Variants in CLPSL1 observed in about 807,000 individuals in gnomAD.
CLPSL1 encodes colipase like 1.
CLPSL1 carries 13 observed loss-of-function variants against 9.3 expected under a neutral mutation model. The observed-to-expected ratio is 1.40, with a 90% CI of 0.91 to 2.22. The LOEUF (loss-of-function observed/expected upper bound fraction) is 2.22, where lower values mean the gene tolerates loss of function less well. CLPSL1 is among the 30% of genes most tolerant of loss of function. CLPSL1 has a pLI of 0.00. For synonymous variants in CLPSL1, 58 were observed against 56.9 expected (o/e 1.02, Z -0.08); for missense variants, 164 against 146.6 (o/e 1.12, Z -0.61).
chr6:35,793,296 G>A (rs954134379), intron 1 of CLPSL1, among the ~76,000 whole-genome samples: 2 of 152,230 alleles, frequency 1.3e-5, no homozygotes, highest in Admixed American at 6.5e-5. Context: ...GTGGTGGCAG[G>A]CGCCTGTAGT....
downstream of CLPSL1, among the ~76,000 whole-genome samples, chr6:35,789,116 C>T (rs894836894): frequency 6.6e-5 from 10 of 152,358 alleles, no homozygotes; most frequent in African/African-American, 2.2e-4. Flanking sequence ...ACCAGACTTC[C>T]ATTGTGTTAT....
chr6:35,787,450 G>C (rs946017798), intron 2 of CLPSL1, among the ~76,000 whole-genome samples: 2 of 152,394 alleles, frequency 1.3e-5, no homozygotes, highest in East Asian at 3.9e-4. Flanking sequence ...CTCTGCCCCA[G>C]AGCCCCGTCT....
chr6:35,791,286 T>C (rs28402195), downstream of CLPSL1, among the ~76,000 whole-genome samples: 25,259 of 147,896 alleles, frequency 0.17, 190 homozygotes, highest in East Asian at 0.2. Context: ...GATAAACACA[T>C]TGTTTAAGTT....
intron 1 of CLPSL1, among the ~76,000 whole-genome samples, chr6:35,782,204 C>T (rs1198336596): frequency 6.6e-6 from 1 of 151,938 alleles, no homozygotes; most frequent in Non-Finnish European, 1.5e-5. Flanking sequence ...ACAGCCAGGG[C>T]AAAGGTCTGG....
chr6:35,793,793 G>A (rs1768271339), downstream of CLPSL1: 2 of 352,076 alleles, frequency 5.7e-6, no homozygotes, highest in Non-Finnish European at 1.1e-5. Flanking sequence ...CGACATCGAA[G>A]TTTCATTCAG....
rs749474400 is a variant in CLPSL1 at position 35,788,125 on chromosome 6, GA to G, written c.*116del. On this transcript the variant is annotated 3_prime_UTR_variant, in exon 3 of 3. Transcript: ENST00000373861. ...CCATGAGTGGAGGGAAGTGGGGAGT[GA>G]TTGAAATAAAGAGCTTTTTCAATGT... 1 of 697,834 alleles carries G rather than the reference GA, an allele frequency of 1.4e-6. No homozygotes were observed. The highest frequency in any genetic ancestry group is 5.7e-5 in the East Asian group (1 of 17,450). The allele number at this position is 697,834 out of a possible 1,614,324, so 43.2% of individuals were successfully genotyped here. A position where few individuals can be genotyped will look rare whatever the true frequency, so the allele number is the denominator to read the frequency against.
At chr6:35,785,152 C>T (rs1768043131) in intron 1 of CLPSL1, among the ~76,000 whole-genome samples, 1 of 150,692 alleles carries the variant, frequency 6.6e-6, no homozygotes. Flanking sequence ...GTTCCCTTTT[C>T]CTGTGGAGTG....
rs550508513 is a variant in CLPSL1 at position 35,781,074 on chromosome 6, C to T, written c.-37C>T. 15 of 1,610,566 alleles carry T rather than the reference C, an allele frequency of 9.3e-6. No individual in the cohort carries two copies. Among genetic ancestry groups the T allele is most frequent in the East Asian group, 4.5e-5 (2 of 44,856 alleles). Reference sequence around the variant, plus strand: ...CACATGGTCGGCGTGCAGGATATTTCGCTGGACCCTAGAAAAGCCACCACG... The same window carrying T: ...CACATGGTCGGCGTGCAGGATATTTTGCTGGACCCTAGAAAAGCCACCACG... On this transcript the variant is annotated 5_prime_UTR_variant, in exon 1 of 3. Coordinates refer to ENST00000373861, the MANE Select transcript of CLPSL1 (RefSeq NM_001010886.5).
intron 1 of CLPSL1, among the ~76,000 whole-genome samples, chr6:35,783,699 T>C (rs1400298233): frequency 6.6e-6 from 1 of 150,688 alleles, no homozygotes; most frequent in Non-Finnish European, 1.5e-5. Flanking sequence ...TCCCAGCTAC[T>C]CAGGAGGCTG....
downstream of CLPSL1, among the ~76,000 whole-genome samples, chr6:35,792,358 T>A (rs2151063868): frequency 6.6e-6 from 1 of 152,372 alleles, no homozygotes; most frequent in African/African-American, 2.4e-5. Flanking sequence ...TCAATCAGAA[T>A]GCTTACATTA....
chr6:35,790,282 A>G (rs1768161253), downstream of CLPSL1, among the ~76,000 whole-genome samples: 11 of 152,396 alleles, frequency 7.2e-5, no homozygotes, highest in South Asian at 1.0e-3. Flanking sequence ...GGAATATAAA[A>G]TGCTTTAAAA....
Position 35,788,113 on chromosome 6 carries a change from G to A in CLPSL1, c.*103G>A, listed in dbSNP as rs1381229268. 1 of 798,774 alleles carries A rather than the reference G, an allele frequency of 1.3e-6. No individual in the cohort carries two copies. The highest frequency in any genetic ancestry group is 4.8e-5 in the East Asian group (1 of 20,984). The allele number at this position is 798,774 out of a possible 1,614,324, so 49.5% of individuals were successfully genotyped here. On this transcript the variant is annotated 3_prime_UTR_variant, in exon 3 of 3. Coordinates refer to ENST00000373861, the MANE Select transcript of CLPSL1 (RefSeq NM_001010886.5). ...CCAGAGCCTCCACCATGAGTGGAGG[G>A]AAGTGGGGAGTGATTGAAATAAAGA...
downstream of CLPSL1, among the ~76,000 whole-genome samples, chr6:35,791,800 G>A: frequency 6.6e-6 from 1 of 152,084 alleles, no homozygotes. Flanking sequence ...GGGCATGGAG[G>A]CTCACACCTA....
downstream of CLPSL1, among the ~76,000 whole-genome samples, chr6:35,788,448 A>C (rs75269932): frequency 9.8e-4 from 150 of 152,382 alleles, 1 homozygote; most frequent in East Asian, 0.025. Flanking sequence ...AAGGTACACA[A>C]AATATCCATG....
intron 1 of CLPSL1, among the ~76,000 whole-genome samples, chr6:35,793,258 T>C (rs7738296): frequency 6.0e-3 from 910 of 152,004 alleles, no homozygotes; most frequent in African/African-American, 0.021. Context: ...ACCCTGTCTC[T>C]ACTAAAAATG....
Position 35,788,016 on chromosome 6 carries a change from C to A in CLPSL1, c.*6C>A. Reference sequence around the variant, plus strand: ...CTAAGAAAATGTTCTTCTAGTGCTCCCTCCTTCTTGCTGCCTCCTCCTCCT... The same window carrying A: ...CTAAGAAAATGTTCTTCTAGTGCTCACTCCTTCTTGCTGCCTCCTCCTCCT... On this transcript the variant is annotated 3_prime_UTR_variant, in exon 3 of 3. Transcript: ENST00000373861. 6.2e-7 allele frequency: 1 copy of A among 1,607,610 alleles called. No homozygotes were observed. The highest frequency in any genetic ancestry group is 8.5e-7 in the Non-Finnish European group (1 of 1,174,514).
chr6:35,788,062 C>A lies in CLPSL1; in HGVS notation c.*52C>A. 1 of 1,409,234 alleles carries A rather than the reference C, an allele frequency of 7.1e-7. No homozygotes were observed. Among genetic ancestry groups the A allele is most frequent in the Non-Finnish European group, 1.0e-6 (1 of 996,506 alleles). 87.3% of individuals were successfully genotyped at this position (1,409,234 alleles called of 1,614,324 possible). A position where few individuals can be genotyped will look rare whatever the true frequency, so the allele number is the denominator to read the frequency against. On this transcript the variant is annotated 3_prime_UTR_variant, in exon 3 of 3. Coordinates refer to ENST00000373861, the MANE Select transcript of CLPSL1 (RefSeq NM_001010886.5). ...CTCCTCCACCTGCTCTCCTCCCTAC[C>A]CAGAGCTCTGTGTTCACCCTGTTCC...
At chr6:35,787,200 AAAG>A in intron 2 of CLPSL1, 80 bp downstream of exon 2, 2 of 1,507,222 alleles carry the variant, frequency 1.3e-6, no homozygotes, top group Admixed American at 3.7e-5. Flanking sequence ...CCTGGGGAGG[AAAG>A]AAGGGTAGGT....
At chr6:35,793,383 C>A (rs374267841) in intron 1 of CLPSL1, 168 of 454,322 alleles carry the variant, frequency 3.7e-4, no homozygotes, top group African/African-American at 3.2e-3. Context: ...CGAGATCGTG[C>A]CACTGCACTC....
Sources: allele counts gnomAD v4.1 joint callset (sites outside exome capture counted in the v4.1 genomes callset), GRCh38; gene constraint gnomAD v4.1.1; transcripts MANE v1.5; gene names NCBI Gene and HGNC (gene_info 2026-07-23, HGNC 2026-07-21).